Variants in CACNA2D1 observed in about 807,000 individuals in gnomAD.
CACNA2D1 encodes voltage-dependent calcium channel subunit alpha-2/delta-1.
CACNA2D1 carries 53 observed loss-of-function variants against 171.5 expected under a neutral mutation model. The ratio of observed to expected loss-of-function variants is 0.31; its 90% CI spans 0.25 to 0.39. The LOEUF is 0.39. CACNA2D1 is among the 10% of genes least tolerant of loss of function. The probability of loss-of-function intolerance (pLI) is 1.00; values close to 1 mark genes in which losing one functional copy is unlikely to be tolerated. For missense variants in CACNA2D1, 903 were observed against 1,299.8 expected (o/e 0.69, Z 4.69); for synonymous variants, 442 against 443.1 (o/e 1.00, Z 0.03).
At position 82,038,251 on chromosome 7, in the gene CACNA2D1, A is replaced by G; in HGVS notation, c.880-16T>C. The G allele has an allele frequency of 1.2e-6, 2 of 1,601,976 alleles. No individual in the cohort carries two copies. The highest frequency in any genetic ancestry group is 1.7e-6 in the Non-Finnish European group (2 of 1,170,774). On this transcript the variant is annotated splice_polypyrimidine_tract_variant and intron_variant, in intron 10 of 38. Coordinates refer to ENST00000356860, the MANE Select transcript of CACNA2D1 (RefSeq NM_000722.4). ...TGCTGTTAAACTGCAAAAGATTAAA[A>G]AGTAAATATATAAATGAACATTAAA... is the stretch of plus-strand genomic sequence containing the variant.
intron 18 of CACNA2D1, among the ~76,000 whole-genome samples, chr7:82,002,269 C>T (rs1227476261): frequency 6.6e-6 from 1 of 152,080 alleles, no homozygotes; most frequent in Non-Finnish European, 1.5e-5. Flanking sequence ...ACCCCTTCTC[C>T]TCCATGTGAG....
intron 26 of CACNA2D1, chr7:81,971,032 G>C: frequency 3.0e-6 from 1 of 330,484 alleles, no homozygotes; most frequent in Non-Finnish European, 5.7e-6. Context: ...TATACATAAG[G>C]GAAAGCTACC....
At chr7:82,099,071 T>A (rs1452075809) in intron 6 of CACNA2D1, among the ~76,000 whole-genome samples, 1 of 151,420 alleles carries the variant, frequency 6.6e-6, no homozygotes, top group African/African-American at 2.4e-5. Context: ...TTTGCCTTCA[T>A]ATTAATCTTA....
chr7:82,070,614 C>G (rs986867853), intron 7 of CACNA2D1, among the ~76,000 whole-genome samples: 2 of 152,110 alleles, frequency 1.3e-5, no homozygotes, highest in African/African-American at 2.4e-5. Context: ...AGAAAGCAGT[C>G]TCAAGTCCTA....
At chr7:82,200,825 T>C (rs1353119639) in intron 3 of CACNA2D1, among the ~76,000 whole-genome samples, 1 of 152,168 alleles carries the variant, frequency 6.6e-6, no homozygotes, top group Non-Finnish European at 1.5e-5. Context: ...TGTGAAGCTG[T>C]TTAACATATC....
At chr7:82,348,592 G>C (rs1305237990) in intron 2 of CACNA2D1, among the ~76,000 whole-genome samples, 1 of 152,084 alleles carries the variant, frequency 6.6e-6, no homozygotes, top group Non-Finnish European at 1.5e-5. Context: ...ACTCTCTACA[G>C]TTGTTTTATA....
intron 38 of CACNA2D1, among the ~76,000 whole-genome samples, chr7:81,954,810 C>G (rs1270730789): frequency 6.6e-6 from 1 of 152,024 alleles, no homozygotes; most frequent in Non-Finnish European, 1.5e-5. Flanking sequence ...TTACCACCAG[C>G]AACTTTGAAG....
At chr7:82,292,743 C>T (rs1474131843) in intron 3 of CACNA2D1, among the ~76,000 whole-genome samples, 1 of 152,094 alleles carries the variant, frequency 6.6e-6, no homozygotes, top group Non-Finnish European at 1.5e-5. Context: ...CATTATTTCA[C>T]TTCCTACTTA....
intron 29 of CACNA2D1, 126 bp downstream of exon 29, chr7:81,968,761 T>C: frequency 1.5e-6 from 1 of 652,344 alleles, no homozygotes; most frequent in Non-Finnish European, 2.8e-6. Flanking sequence ...TTTTTTTAAG[T>C]GTGCATGCCT....
At chr7:82,430,660 A>T (rs1187136758) in intron 1 of CACNA2D1, among the ~76,000 whole-genome samples, 3 of 152,204 alleles carry the variant, frequency 2.0e-5, no homozygotes, top group African/African-American at 7.2e-5. Context: ...GAAGGGCTGG[A>T]GTTAGATGAG....
intron 1 of CACNA2D1, among the ~76,000 whole-genome samples, chr7:82,413,771 G>C (rs546622866): frequency 2.9e-4 from 44 of 152,104 alleles, no homozygotes; most frequent in Admixed American, 1.4e-3. Flanking sequence ...TGTTTCTTCA[G>C]AGACTAAATA....
At chr7:82,350,518 AG>A (rs1363230382) in intron 1 of CACNA2D1, among the ~76,000 whole-genome samples, 1 of 152,154 alleles carries the variant, frequency 6.6e-6, no homozygotes, top group Non-Finnish European at 1.5e-5. Flanking sequence ...ACAAAAAACT[AG>A]CCAGGCTTGG....
chr7:82,047,639 G>A (rs1342949624), intron 10 of CACNA2D1, among the ~76,000 whole-genome samples: 1 of 152,040 alleles, frequency 6.6e-6, no homozygotes, highest in Non-Finnish European at 1.5e-5. Context: ...TTGACAAAAG[G>A]TAGAGTCAAT....
In CACNA2D1 at chr7:82,064,311, C is replaced by A; in HGVS notation, c.772G>T (p.Val258Leu). The A allele has an allele frequency of 6.3e-7, 1 of 1,598,738 alleles. No individual in the cohort carries two copies. The highest frequency in any genetic ancestry group is 1.1e-5 in the South Asian group (1 of 90,646). The change falls in exon 9 of 39, where the codon GTG becomes TTG. Residue 258 changes from valine (V) to leucine (L), a missense_variant. By Grantham distance (32) the Val-to-Leu change is conservative. Transcript: ENST00000356860. ...TAGTATTTAACAACTCACACATCCA[C>A]CAGAATAAGCATGTCTTTAGGAGAT... ...AASPKDMLILVDVSGSVSGLT... is the reference protein window; with the variant it reads ...AASPKDMLILLDVSGSVSGLT...
chr7:82,416,222 AATAAT>A (rs1563522752), intron 1 of CACNA2D1, among the ~76,000 whole-genome samples: 10 of 151,620 alleles, frequency 6.6e-5, no homozygotes, highest in Non-Finnish European at 1.5e-4. Flanking sequence ...CTCAAAAAAT[AATAAT>A]AATAATAATA....
chr7:82,381,300 C>A lies in CACNA2D1; in HGVS notation c.96-31651G>T, dbSNP rs564879248. On this transcript the variant is annotated intron_variant, in intron 1 of 38. Coordinates refer to ENST00000356860, the MANE Select transcript of CACNA2D1 (RefSeq NM_000722.4). ...TTGCACTCTAGCCTGGGCGAAAGAG[C>A]GAGACTCTGTCTCAAAAAAAAAAAA... 1.3e-3 allele frequency among the ~76,000 whole-genome samples: 170 copies of A among 131,272 alleles called. 2 individuals are homozygous for A. The highest frequency in any genetic ancestry group is 1.5e-3 in the East Asian group (7 of 4,644). The allele number at this position is 131,272 out of a possible 152,430, so 86.1% of individuals were successfully genotyped here.
At chr7:82,013,860 T>C (rs942729710) in intron 13 of CACNA2D1, among the ~76,000 whole-genome samples, 18 of 151,948 alleles carry the variant, frequency 1.2e-4, no homozygotes, top group Admixed American at 1.1e-3. Context: ...TGCCTAAATA[T>C]AACTTTCAGA....
At chr7:82,146,500 A>G (rs1341256334) in intron 4 of CACNA2D1, among the ~76,000 whole-genome samples, 1 of 142,978 alleles carries the variant, frequency 7.0e-6, no homozygotes, top group Non-Finnish European at 1.5e-5. Context: ...ATATTTATAT[A>G]TATATAAAGA....
intron 4 of CACNA2D1, among the ~76,000 whole-genome samples, chr7:82,139,781 CTT>C (rs142894019): frequency 1.0e-4 from 15 of 142,886 alleles, no homozygotes; most frequent in Admixed American, 2.1e-4. Flanking sequence ...TTGACATTTC[CTT>C]TTTTTTTTTT....
Sources: gnomAD v4.1 joint callset for allele counts (sites outside exome capture counted in the v4.1 genomes callset) on GRCh38, gnomAD v4.1.1 for gene constraint, MANE v1.5 for transcripts, NCBI Gene and HGNC (gene_info 2026-07-23, HGNC 2026-07-21) for gene names.